THSD7B: variants seen among roughly 807,000 people sequenced by gnomAD.
The protein encoded by THSD7B is thrombospondin type 1 domain containing 7B.
THSD7B carries 138 observed loss-of-function variants against 213.6 expected under a neutral mutation model. The observed-to-expected ratio is 0.65, with a 90% CI of 0.56 to 0.74. The LOEUF (loss-of-function observed/expected upper bound fraction) is 0.74. THSD7B is among the 30% of genes least tolerant of loss of function. The pLI is 0.00. For missense variants in THSD7B, 1,931 were observed against 1,991.5 expected (o/e 0.97, Z 0.58); for synonymous variants, 742 against 687.0 (o/e 1.08, Z -1.25).
chr2:137,538,894 C>T lies in THSD7B; in HGVS notation c.3139-24327C>T, dbSNP rs1227986128. Among the ~76,000 whole-genome samples the T allele has an allele frequency of 1.3e-5, 2 of 151,624 alleles. 1 individual carries two copies. Among genetic ancestry groups the T allele is most frequent in the Middle Eastern group, 6.3e-3 (2 of 316 alleles). ...AATGTCATTGCCATGGTTAATATAG[C>T]TCCAAACAGCCGAGAATTTTATACA... On this transcript the variant is annotated intron_variant, in intron 15 of 27. Transcript: ENST00000409968.
chr2:136,789,502 C>G (rs1317005368), intron 1 of THSD7B, among the ~76,000 whole-genome samples: 1 of 151,960 alleles, frequency 6.6e-6, no homozygotes, highest in African/African-American at 2.4e-5. Context: ...TCGAATTATT[C>G]TTTTCTAGCT....
chr2:137,412,424 A>T (rs546543397), intron 14 of THSD7B, among the ~76,000 whole-genome samples: 1 of 151,978 alleles, frequency 6.6e-6, no homozygotes, highest in East Asian at 1.9e-4. Context: ...AACATGGAGA[A>T]ACCCTGTCTC....
intron 1 of THSD7B, among the ~76,000 whole-genome samples, chr2:136,828,740 G>A (rs998965761): frequency 2.0e-5 from 3 of 152,184 alleles, no homozygotes; most frequent in Non-Finnish European, 4.4e-5. Context: ...TGCCTCGTTT[G>A]TTTCACCTGG....
chr2:137,552,370 G>T (rs1279885863), intron 15 of THSD7B, among the ~76,000 whole-genome samples: 2 of 152,138 alleles, frequency 1.3e-5, no homozygotes, highest in Non-Finnish European at 2.9e-5. Context: ...AACTAAATGG[G>T]CAGAGCCTGT....
At chr2:137,301,897 A>G (rs1425925224) in intron 12 of THSD7B, among the ~76,000 whole-genome samples, 2 of 152,136 alleles carry the variant, frequency 1.3e-5, no homozygotes, top group Non-Finnish European at 2.9e-5. Context: ...GGCTTTTGAA[A>G]GCTTTATACA....
At chr2:137,018,355 G>T (rs1686380739) in intron 2 of THSD7B, among the ~76,000 whole-genome samples, 1 of 152,038 alleles carries the variant, frequency 6.6e-6, no homozygotes, top group Non-Finnish European at 1.5e-5. Flanking sequence ...TTTATTTGTT[G>T]TTAATAAAAT....
chr2:137,071,926 G>A (rs1687496762), intron 3 of THSD7B, among the ~76,000 whole-genome samples: 3 of 152,090 alleles, frequency 2.0e-5, no homozygotes, highest in Admixed American at 2.0e-4. Context: ...GCAGATATGC[G>A]GCATTATTTC....
intron 1 of THSD7B, among the ~76,000 whole-genome samples, chr2:136,876,499 G>A (rs1649551): frequency 0.86 from 130,607 of 152,072 alleles, 56,466 homozygotes; most frequent in Non-Finnish European, 0.91. Flanking sequence ...TATGTGTCTG[G>A]AGAATATAAT....
intron 14 of THSD7B, among the ~76,000 whole-genome samples, chr2:137,419,987 G>T (rs1014205602): frequency 6.6e-6 from 1 of 152,048 alleles, no homozygotes; most frequent in Non-Finnish European, 1.5e-5. Flanking sequence ...GGATAATATG[G>T]TAGTTCTATT....
chr2:137,603,402 A>C (rs1454670697), intron 17 of THSD7B, among the ~76,000 whole-genome samples: 2 of 152,184 alleles, frequency 1.3e-5, no homozygotes, highest in Non-Finnish European at 2.9e-5. Flanking sequence ...ATGTGCTAAA[A>C]TGGGTTCTCT....
At chr2:137,528,087 C>A (rs1375562593) in intron 15 of THSD7B, among the ~76,000 whole-genome samples, 1 of 152,080 alleles carries the variant, frequency 6.6e-6, no homozygotes, top group Non-Finnish European at 1.5e-5. Flanking sequence ...TCTTGTATTT[C>A]TTAACTTCAA....
At chr2:137,597,940 CAA>C (rs938924570) in intron 17 of THSD7B, among the ~76,000 whole-genome samples, 47 of 152,188 alleles carry the variant, frequency 3.1e-4, no homozygotes, top group African/African-American at 1.1e-3. Flanking sequence ...AAATATTTCT[CAA>C]AGAGTTCCTA....
rs62165743 is a variant in THSD7B at position 137,400,341 on chromosome 2, C to T, written c.2501-5272C>T. Among the ~76,000 whole-genome samples, 668 of 152,028 alleles carry T rather than the reference C, an allele frequency of 4.4e-3. 6 individuals carry two copies. The highest frequency in any genetic ancestry group is 7.2e-3 in the Non-Finnish European group (487 of 67,992). On this transcript the variant is annotated intron_variant, in intron 12 of 27. Transcript: ENST00000409968. Reference sequence around the variant, plus strand: ...TTTTGTGTGTTTGCATTGATTTCTGCGCATCTAGAGCAACAGTAGCTTCTT... The same window carrying T: ...TTTTGTGTGTTTGCATTGATTTCTGTGCATCTAGAGCAACAGTAGCTTCTT...
intron 1 of THSD7B, among the ~76,000 whole-genome samples, chr2:136,801,048 G>A (rs1269765519): frequency 6.6e-6 from 1 of 151,696 alleles, no homozygotes; most frequent in African/African-American, 2.4e-5. Flanking sequence ...TTTACCCACT[G>A]TGTGTACGTC....
intron 12 of THSD7B, among the ~76,000 whole-genome samples, chr2:137,381,172 T>G (rs930627357): frequency 3.3e-5 from 5 of 152,180 alleles, no homozygotes; most frequent in Non-Finnish European, 5.9e-5. Context: ...CAACATGGAT[T>G]GTGGTACCCG....
intron 20 of THSD7B, among the ~76,000 whole-genome samples, chr2:137,621,133 G>C (rs570395067): frequency 1.3e-5 from 2 of 152,264 alleles, no homozygotes; most frequent in East Asian, 3.9e-4. Context: ...CACATAAAGA[G>C]AGGGCTTTAT....
At chr2:136,910,240 G>A (rs1684234877) in intron 2 of THSD7B, among the ~76,000 whole-genome samples, 1 of 151,900 alleles carries the variant, frequency 6.6e-6, no homozygotes, top group Non-Finnish European at 1.5e-5. Flanking sequence ...AAGCAGGAGT[G>A]GAGCCAAGAG....
At chr2:137,082,267 G>T (rs1334458755) in intron 3 of THSD7B, among the ~76,000 whole-genome samples, 1 of 151,948 alleles carries the variant, frequency 6.6e-6, no homozygotes, top group African/African-American at 2.4e-5. Context: ...TAATCTGTCA[G>T]ATATTTTTCT....
intron 7 of THSD7B, 29 bp downstream of exon 7, chr2:137,170,967 T>A: frequency 1.2e-6 from 2 of 1,608,884 alleles, no homozygotes; most frequent in Non-Finnish European, 1.7e-6. Flanking sequence ...CTAGAGGTGT[T>A]AGGATGTTAA....
Sources: gnomAD v4.1 joint callset for allele counts (sites outside exome capture counted in the v4.1 genomes callset) on GRCh38, gnomAD v4.1.1 for gene constraint, MANE v1.5 for transcripts, NCBI Gene and HGNC (gene_info 2026-07-23, HGNC 2026-07-21) for gene names.